OSBPL7: variants seen among roughly 807,000 people sequenced by gnomAD.
OSBPL7 encodes oxysterol binding protein like 7.
Under a neutral mutation model 115.8 loss-of-function variants are expected in OSBPL7, and 66 were observed. The observed-to-expected ratio is 0.57, with a 90% CI of 0.47 to 0.70. OSBPL7 has a LOEUF of 0.70. Among genes scored for constraint, OSBPL7 ranks in the 30% least tolerant of loss-of-function variants. The probability of loss-of-function intolerance (pLI) is 0.00; values close to 1 mark genes in which losing one functional copy is unlikely to be tolerated. For synonymous variants in OSBPL7, 441 were observed against 439.2 expected (o/e 1.00, Z -0.05); for missense variants, 902 against 1,125.5 (o/e 0.80, Z 2.84).
At chr17:47,813,049 G>T (rs2033091251) in intron 16 of OSBPL7, among the ~76,000 whole-genome samples, 1 of 152,178 alleles carries the variant, frequency 6.6e-6, no homozygotes. Flanking sequence ...CCTAGCCCAA[G>T]ATTGCCCCCT....
At chr17:47,810,700 G>A in intron 17 of OSBPL7, 28 bp from the exon 18 acceptor site, 1 of 1,612,942 alleles carries the variant, frequency 6.2e-7, no homozygotes, top group Non-Finnish European at 8.5e-7. Context: ...GAGGGAGAGT[G>A]AACAACAGAG....
chr17:47,814,486 T>TCCCCCCCCCCCCCCCCCC, intron 14 of OSBPL7, 35 bp downstream of exon 14: 1 of 426,322 alleles, frequency 2.3e-6, no homozygotes, highest in Non-Finnish European at 4.5e-6. Flanking sequence ...TCCACCCGCC[T>TCCCCCCCCCCCCCCCCCC]CCCACCCCTC....
chr17:47,818,004 C>T (rs2033278592), intron 7 of OSBPL7, among the ~76,000 whole-genome samples: 1 of 152,226 alleles, frequency 6.6e-6, no homozygotes, highest in Non-Finnish European at 1.5e-5. Flanking sequence ...CCTCAGGCCC[C>T]TGCCCTGTGT....
At chr17:47,815,019 C>G in intron 13 of OSBPL7, 196 bp downstream of exon 13, 2 of 708,852 alleles carry the variant, frequency 2.8e-6, no homozygotes, top group Non-Finnish European at 4.5e-6. Context: ...AAATGTCACA[C>G]TCCTCTAGGA....
rs1404133624 is a variant in OSBPL7, at chr17:47,808,311, C to T, written c.2509G>A (p.Asp837Asn). 1 of 1,613,564 alleles carries T rather than the reference C, an allele frequency of 6.2e-7. No individual in the cohort carries two copies. Among genetic ancestry groups the T allele is most frequent in the South Asian group, 1.1e-5 (1 of 91,070 alleles). ...LRAEPGYGNMDGAVLW is the reference protein window; with the variant it reads ...LRAEPGYGNMNGAVLW The stretch of plus-strand genomic sequence containing the variant: ...CAGGGCTACCAGAGCACGGCCCCAT[C>T]CATGTTCCCATAGCCTGGCTCGGCC... Residue 837 changes from aspartate (D) to asparagine (N), a missense_variant, in exon 23 of 23, where the codon GAT becomes AAT. Around this residue, in one of 3 missense-constraint regions of OSBPL7, gnomAD observed 230 missense variants for 312.7 expected, o/e 0.74. Transcript: ENST00000007414. This position sits in a 1 kb window ranked among gnomAD's most constrained non-coding sequence, Gnocchi z 6.1.
chr17:47,819,729 G>C lies in OSBPL7; in HGVS notation c.255C>G (p.Asp85Glu). ...ACCCCAAGCCACTGCCCGGGCTCAC[G>C]TCTTGCCGGGTTGTTGCATAATGAA... ...GILHYATTRQ[D>E]ITKGKLHGSI... The change falls in exon 4 of 23, where the codon GAC becomes GAG. Residue 85 changes from aspartate (D) to glutamate (E), a missense_variant and splice_region_variant. Physicochemically the swap from Asp to Glu is conservative, Grantham distance 45 (BLOSUM62 2). This residue lies in a region of OSBPL7 where 667 missense variants were observed against 788.7 expected (regional missense o/e 0.85). Coordinates refer to ENST00000007414, the MANE Select transcript of OSBPL7 (RefSeq NM_145798.3). 1 of 1,614,100 alleles carries C rather than the reference G, an allele frequency of 6.2e-7. No homozygotes were observed. Among genetic ancestry groups the C allele is most frequent in the Non-Finnish European group, 8.5e-7 (1 of 1,180,000 alleles).
chr17:47,817,431 C>G, intron 7 of OSBPL7, 72 bp from the exon 8 acceptor site: 1 of 1,123,320 alleles, frequency 8.9e-7, no homozygotes, highest in East Asian at 2.6e-5. Flanking sequence ...CTCTTGTTGC[C>G]CAGGCTAGAG....
intron 14 of OSBPL7, among the ~76,000 whole-genome samples, chr17:47,814,187 G>A (rs147046448): frequency 3.3e-5 from 5 of 152,344 alleles, no homozygotes; most frequent in Non-Finnish European, 7.4e-5. Flanking sequence ...TTTTATGGAT[G>A]AGGAAATAGG....
Position 47,808,812 on chromosome 17 carries a change from T to C in OSBPL7, c.2297+52A>G. On this transcript the variant is annotated intron_variant, in intron 21 of 22. Coordinates refer to ENST00000007414, the MANE Select transcript of OSBPL7 (RefSeq NM_145798.3). The surrounding 1 kb of genome is among the most constrained non-coding windows in gnomAD (Gnocchi z 6.1). The stretch of plus-strand genomic sequence containing the variant: ...AGGACAAAGCCCCAGCTCTGTACTC[T>C]GTGGAGGGAGTGAACTAGATGGTTC... 1.9e-6 allele frequency: 3 copies of C among 1,610,508 alleles called. No individual in the cohort carries two copies. The highest frequency in any genetic ancestry group is 2.5e-6 in the Non-Finnish European group (3 of 1,177,110).
chr17:47,811,605 C>T (rs967634534), intron 16 of OSBPL7, among the ~76,000 whole-genome samples: 1 of 152,224 alleles, frequency 6.6e-6, no homozygotes, highest in Non-Finnish European at 1.5e-5. Context: ...TGACATCCCT[C>T]ACCAATCCTC....
intron 18 of OSBPL7, 55 bp from the exon 19 acceptor site, chr17:47,809,533 T>G (rs2032970357): frequency 6.3e-7 from 1 of 1,577,186 alleles, no homozygotes; most frequent in African/African-American, 1.3e-5. Flanking sequence ...AACAAGTGAG[T>G]CAGGGGCCTC....
In OSBPL7 at chr17:47,810,769, C is replaced by T; in HGVS notation, c.1801+3G>A. ...CACCCCGGCCCTGCCCTCTACTCCTCACCTTGCCAGAAGGCGAAGTTCTCA... is the reference window on the plus strand; with the variant it reads ...CACCCCGGCCCTGCCCTCTACTCCTTACCTTGCCAGAAGGCGAAGTTCTCA... On this transcript the variant is annotated splice_donor_region_variant and intron_variant, in intron 17 of 22. Transcript: ENST00000007414. 6.2e-7 allele frequency: 1 copy of T among 1,614,058 alleles called. No homozygotes were observed. Among genetic ancestry groups the T allele is most frequent in the Non-Finnish European group, 8.5e-7 (1 of 1,179,970 alleles).
Position 47,808,223 on chromosome 17 carries a change from T to G in OSBPL7, c.*68A>C, listed in dbSNP as rs2032916121. On this transcript the variant is annotated 3_prime_UTR_variant, in exon 23 of 23. Transcript: ENST00000007414. The surrounding 1 kb of genome is among the most constrained non-coding windows in gnomAD (Gnocchi z 6.1). ...GAGGCGGGGAGCCCGGCCTCACCCA[T>G]GTGTCCATGGTAGGGGGTGGAGGCA... The G allele has an allele frequency of 8.0e-7, 1 of 1,257,676 alleles. No homozygotes were observed. Among genetic ancestry groups the G allele is most frequent in the Non-Finnish European group, 1.1e-6 (1 of 871,368 alleles). The allele number at this position is 1,257,676 out of a possible 1,614,324, so 77.9% of individuals were successfully genotyped here.
rs2033254743 is a variant in OSBPL7 at position 47,817,316 on chromosome 17, G to A, written c.642C>T (p.Leu214=). ...CQGKLQELHR[L]LQSLESLHRI... ...GGTGCAGGGACTCCAGGCTCTGGAG[G>A]AGCCTGTGTAGTTCCTGGAGCTTCC... The change falls in exon 8 of 23, where the codon CTC becomes CTT. Residue 214 remains leucine, a synonymous_variant. Coordinates refer to ENST00000007414, the MANE Select transcript of OSBPL7 (RefSeq NM_145798.3). 6.2e-7 allele frequency: 1 copy of A among 1,604,680 alleles called. No individual in the cohort carries two copies. Among genetic ancestry groups the A allele is most frequent in the Non-Finnish European group, 8.5e-7 (1 of 1,177,726 alleles).
chr17:47,815,990 A>G (rs1792078613), intron 12 of OSBPL7, 117 bp downstream of exon 12: 2 of 787,704 alleles, frequency 2.5e-6, no homozygotes, highest in Admixed American at 5.9e-5. Context: ...TGGAGCCAGG[A>G]TTTTTGGGCT....
intron 12 of OSBPL7, 109 bp downstream of exon 12, chr17:47,815,998 G>T: frequency 1.1e-6 from 1 of 874,626 alleles, no homozygotes. Flanking sequence ...GGATTTTTGG[G>T]CTGTCTTTGG....
Position 47,814,699 on chromosome 17 carries a change from C to T in OSBPL7, c.1258-85G>A, listed in dbSNP as rs2033158778. The T allele has an allele frequency of 5.9e-6, 7 of 1,179,932 alleles. No homozygotes were observed. In the East Asian group the frequency reaches 1.7e-4, roughly 29 times the overall value. 73.1% of individuals were successfully genotyped at this position (1,179,932 alleles called of 1,614,324 possible). A position where few individuals can be genotyped will look rare whatever the true frequency, so the allele number is the denominator to read the frequency against. On this transcript the variant is annotated intron_variant, in intron 13 of 22. Transcript: ENST00000007414. ...GCCCAGGGCCTGGCAAGAATCTGCC[C>T]AACTAGCCCTTTGGTGGGAAGGGGA...
intron 3 of OSBPL7, 93 bp downstream of exon 3, chr17:47,819,878 C>A (rs1341129482): frequency 1.9e-6 from 3 of 1,608,330 alleles, no homozygotes; most frequent in Non-Finnish European, 2.6e-6. Flanking sequence ...TTTTCCTTCT[C>A]ATCATGCAAA....
chr17:47,810,696 G>C, intron 17 of OSBPL7, 24 bp from the exon 18 acceptor site: 1 of 1,613,106 alleles, frequency 6.2e-7, no homozygotes, highest in Non-Finnish European at 8.5e-7. Context: ...AGGGGAGGGA[G>C]AGTGAACAAC....
Sources: gnomAD v4.1 joint callset for allele counts (sites outside exome capture counted in the v4.1 genomes callset) on GRCh38, gnomAD v4.1.1 for gene constraint, gnomAD v4.1.1 regional missense constraint, Gnocchi (gnomAD v3.1) non-coding constraint, MANE v1.5 for transcripts, NCBI Gene and HGNC (gene_info 2026-07-23, HGNC 2026-07-21) for gene names.